MYH8: variants seen among roughly 807,000 people sequenced by gnomAD.
The protein encoded by MYH8 is myosin-8.
A neutral mutation model predicts 233.2 loss-of-function variants in MYH8; 168 were observed. The observed-to-expected ratio is 0.72, with a 90% CI of 0.64 to 0.82. The LOEUF is 0.82. MYH8 is among the 40% of genes least tolerant of loss of function. The pLI is 0.00. For synonymous variants in MYH8, 785 were observed against 850.6 expected (o/e 0.92, Z 1.34); for missense variants, 1,995 against 2,327.8 (o/e 0.86, Z 2.94).
intron 28 of MYH8, 132 bp from the exon 29 acceptor site, chr17:10,399,018 A>ATT (rs931947508): frequency 6.9e-6 from 2 of 290,010 alleles, no homozygotes; most frequent in Admixed American, 9.4e-5. Flanking sequence ...ATATATATAT[A>ATT]CAAGTTGTAT....
intron 39 of MYH8, 119 bp downstream of exon 39, chr17:10,391,763 C>G (rs1053790787): frequency 1.3e-6 from 1 of 785,160 alleles, no homozygotes; most frequent in African/African-American, 1.7e-5. Flanking sequence ...TAAAATCATC[C>G]CTCTTAAAAT....
intron 38 of MYH8, 131 bp downstream of exon 38, chr17:10,392,411 T>C: frequency 1.2e-6 from 1 of 865,148 alleles, no homozygotes; most frequent in Non-Finnish European, 2.0e-6. Context: ...GATAAGCAAC[T>C]GTCTTTACTC....
At chr17:10,392,794 T>A in intron 37 of MYH8, 37 bp downstream of exon 37, 1 of 1,614,088 alleles carries the variant, frequency 6.2e-7, no homozygotes, top group Non-Finnish European at 8.5e-7. Context: ...GAGTGCCCTT[T>A]TTCCCTTCCC....
At chr17:10,391,078 T>C (rs1409873998) in intron 39 of MYH8, among the ~76,000 whole-genome samples, 3 of 152,206 alleles carry the variant, frequency 2.0e-5, no homozygotes, top group Non-Finnish European at 4.4e-5. Flanking sequence ...ACCTATCACA[T>C]GTGTCTGGAA....
Position 10,396,352 on chromosome 17 carries a change from T to G in MYH8, c.4631A>C (p.Gln1544Pro). 6.2e-7 allele frequency: 1 copy of G among 1,614,108 alleles called. No individual in the cohort carries two copies. The highest frequency in any genetic ancestry group is 1.1e-5 in the South Asian group (1 of 91,070). Residue 1544 changes from glutamine (Q) to proline (P), a missense_variant, in exon 33 of 40, where the codon CAG (glutamine) becomes CCG (proline). Physicochemically the swap from Gln to Pro is moderately conservative, Grantham distance 76. Coordinates refer to ENST00000403437, the MANE Select transcript of MYH8 (RefSeq NM_002472.3). The surrounding 1 kb of genome is among the most constrained non-coding windows in gnomAD (Gnocchi z 4.2). Reference sequence around the variant, plus strand: ...TACCTCTGCTTCCTCTAAAGCAGCCTGAATTTCACATTTCTCTTGTTCTAC... The same window carrying G: ...TACCTCTGCTTCCTCTAAAGCAGCCGGAATTTCACATTTCTCTTGTTCTAC... ...KQVEQEKCEI[Q>P]AALEEAEASL...
rs1002818891 is a variant in MYH8, at chr17:10,417,033, T to C, written c.512-1325A>G. Among the ~76,000 whole-genome samples, 1 of 152,210 alleles carries C rather than the reference T, an allele frequency of 6.6e-6. No individual in the cohort carries two copies. Among genetic ancestry groups the C allele is most frequent in the Non-Finnish European group, 1.5e-5 (1 of 68,032 alleles). ...TAAGGTCAAATATATCCTCCTGGCC[T>C]CTTCCCAGCTTTTGATGTCACTAGT... On this transcript the variant is annotated intron_variant, in intron 5 of 39. Coordinates refer to ENST00000403437, the MANE Select transcript of MYH8 (RefSeq NM_002472.3). The surrounding 1 kb of genome is among the most constrained non-coding windows in gnomAD (Gnocchi z 4.1).
At chr17:10,399,754 A>G (rs2072118264) in intron 27 of MYH8, 85 bp from the exon 28 acceptor site, 1 of 1,569,130 alleles carries the variant, frequency 6.4e-7, no homozygotes, top group Non-Finnish European at 8.7e-7. Flanking sequence ...TGTAGAGTAA[A>G]TAAATTCATG....
At position 10,396,466 on chromosome 17, in the gene MYH8, C is replaced by G. The variant is rs1419178281; in HGVS notation, c.4529-12G>C. 1.4e-5 allele frequency: 23 copies of G among 1,613,882 alleles called. No individual in the cohort carries two copies. Among genetic ancestry groups the G allele is most frequent in the Non-Finnish European group, 1.9e-5 (22 of 1,179,994 alleles). ...GTCAGAAATCTCCTCTGTGGTTGAA[C>G]AGACAGGAGAGAAATGGTCAGAAAG... is the stretch of plus-strand genomic sequence containing the variant. On this transcript the variant is annotated splice_polypyrimidine_tract_variant and intron_variant, in intron 32 of 39. Coordinates refer to ENST00000403437, the MANE Select transcript of MYH8 (RefSeq NM_002472.3). The surrounding 1 kb of genome is among the most constrained non-coding windows in gnomAD (Gnocchi z 4.2).
intron 2 of MYH8, among the ~76,000 whole-genome samples, 182 bp from the exon 3 acceptor site, chr17:10,420,439 T>C (rs2072328255): frequency 6.6e-6 from 1 of 152,262 alleles, no homozygotes; most frequent in East Asian, 1.9e-4. Context: ...TAATTTGAGA[T>C]TTCATTTTTA....
rs2072057147 is a variant in MYH8, at chr17:10,394,098, A to G, written c.5166+151T>C. ...AAAAAAAATCACCCATAATCCACCA[A>G]TTACCCTAAGATAATAGCAATGAGT... On this transcript the variant is annotated intron_variant, in intron 35 of 39. Coordinates refer to ENST00000403437, the MANE Select transcript of MYH8 (RefSeq NM_002472.3). The G allele has an allele frequency of 3.5e-6, 4 of 1,147,992 alleles. No individual in the cohort carries two copies. In the South Asian group the frequency reaches 4.1e-5, roughly 12 times the overall value. 71.1% of individuals were successfully genotyped at this position (1,147,992 alleles called of 1,614,324 possible). A position where few individuals can be genotyped will look rare whatever the true frequency, so the allele number is the denominator to read the frequency against.
In MYH8 at chr17:10,400,992, C is replaced by G. The variant is rs113781660; in HGVS notation, c.3255-33G>C. 1 of 1,613,172 alleles carries G rather than the reference C, an allele frequency of 6.2e-7. No homozygotes were observed. The highest frequency in any genetic ancestry group is 8.5e-7 in the Non-Finnish European group (1 of 1,179,236). On this transcript the variant is annotated intron_variant, in intron 25 of 39. Transcript: ENST00000403437. The surrounding 1 kb of genome is among the most constrained non-coding windows in gnomAD (Gnocchi z 4.0). ...CAGAAGAGCAAGACGTATTAATACT[C>G]ATGTGAATTGAAAGATGATATCACA...
Position 10,418,742 on chromosome 17 carries a change from C to T in MYH8, c.414G>A (p.Lys138=), listed in dbSNP as rs1264316921. 5.6e-6 allele frequency: 9 copies of T among 1,613,918 alleles called. No homozygotes were observed. In the Admixed American group the frequency reaches 1.0e-4, roughly 18 times the overall value. The change falls in exon 5 of 40, where the codon AAG becomes AAA. Residue 138 remains lysine, a synonymous_variant. Coordinates refer to ENST00000403437, the MANE Select transcript of MYH8 (RefSeq NM_002472.3). ...CTCTGTAGGCAGCCACCACCTCGGG[C>T]TTGTACACCGGCAGCCACTTGTAGG... The part of the protein sequence containing the change: ...VNPYKWLPVY[K]PEVVAAYRGK...
intron 30 of MYH8, among the ~76,000 whole-genome samples, chr17:10,397,380 C>T (rs2072089637): frequency 6.6e-6 from 1 of 152,196 alleles, no homozygotes; most frequent in South Asian, 2.1e-4. Context: ...AGGTGTGAGC[C>T]ACTGTGCCTG....
Position 10,420,198 on chromosome 17 carries a change from A to G in MYH8, c.30T>C (p.Ala10=), listed in dbSNP as rs1441477378. ...GGTAGGGAGCAGCTTCGCCAAAAAC[A>G]GCCATCTCAGCGTCTGAGCTCGCAC... The part of the protein sequence containing the change: MSASSDAEM[A]VFGEAAPYLR... The change falls in exon 3 of 40, where the codon GCT becomes GCC. Residue 10 remains alanine, a synonymous_variant. Transcript: ENST00000403437. 1.2e-6 allele frequency: 2 copies of G among 1,613,480 alleles called. No homozygotes were observed. The highest frequency in any genetic ancestry group is 3.3e-5 in the Admixed American group (2 of 60,016).
In MYH8 at chr17:10,410,877, A is replaced by G. The variant is rs753280343; in HGVS notation, c.1487T>C (p.Met496Thr). ...EKLQQFFNHH[M>T]FVLEQEEYKK... is the part of the protein sequence containing the mutation. ...GTACTCCTCCTGCTCTAGCACAAAC[A>G]TGTGGTGGTTGAAAAACTGTTGCAG... The change falls in exon 15 of 40, where the codon ATG becomes ACG. Residue 496 changes from methionine (M) to threonine (T), a missense_variant. This residue lies in a region of MYH8 where 18 missense variants were observed against 46.1 expected (regional missense o/e 0.39). Transcript: ENST00000403437. 1 of 1,613,612 alleles carries G rather than the reference A, an allele frequency of 6.2e-7. No individual in the cohort carries two copies. The highest frequency in any genetic ancestry group is 2.2e-5 in the East Asian group (1 of 44,886).
At chr17:10,394,910 ACTTT>A (rs1180441572) in intron 34 of MYH8, among the ~76,000 whole-genome samples, 1 of 152,162 alleles carries the variant, frequency 6.6e-6, no homozygotes, top group Non-Finnish European at 1.5e-5. Flanking sequence ...AAGTCTGTTC[ACTTT>A]CTTTCATATC....
chr17:10,398,982 A>G (rs2072106591), intron 28 of MYH8, 96 bp from the exon 29 acceptor site: 1 of 559,358 alleles, frequency 1.8e-6, no homozygotes, highest in Non-Finnish European at 3.0e-6. Context: ...ATATATGTAT[A>G]TATGTGTGTG....
chr17:10,413,537 T>C (rs1480630402), intron 12 of MYH8, among the ~76,000 whole-genome samples: 1 of 152,240 alleles, frequency 6.6e-6, no homozygotes, highest in African/African-American at 2.4e-5. Context: ...TTGGGCAGAT[T>C]CTCTGCTGTC....
At position 10,392,998 on chromosome 17, in the gene MYH8, C is replaced by A. The variant is rs771654542; in HGVS notation, c.5296G>T (p.Ala1766Ser). The change falls in exon 37 of 40, where the codon GCC becomes TCC. Residue 1766 changes from alanine to serine, a missense_variant. Coordinates refer to ENST00000403437, the MANE Select transcript of MYH8 (RefSeq NM_002472.3). Reference sequence around the variant, plus strand: ...TTCTTCAGCTCCTCAGCCATCATGGCAGCCTATTTAGGAAATAAATTAAGA... The same window carrying A: ...TTCTTCAGCTCCTCAGCCATCATGGAAGCCTATTTAGGAAATAAATTAAGA... ...EKAKKAITDA[A>S]MMAEELKKEQ... The A allele has an allele frequency of 2.0e-5, 33 of 1,614,078 alleles. No homozygotes were observed. The highest frequency in any genetic ancestry group is 6.7e-5 in the Admixed American group (4 of 60,000).
Sources: allele counts gnomAD v4.1 joint callset (sites outside exome capture counted in the v4.1 genomes callset), GRCh38; gene constraint gnomAD v4.1.1; regional missense constraint gnomAD v4.1.1; non-coding constraint Gnocchi (gnomAD v3.1); transcripts MANE v1.5; gene names NCBI Gene and HGNC (gene_info 2026-07-23, HGNC 2026-07-21).